Variants in OPCML observed in about 807,000 individuals in gnomAD.
The protein encoded by OPCML is opioid binding protein/cell adhesion molecule like, also known as opioid-binding protein/cell adhesion molecule.
Under a neutral mutation model 37.8 loss-of-function variants are expected in OPCML, and 13 were observed. The observed-to-expected ratio is 0.34, with a 90% CI of 0.22 to 0.55. The LOEUF (loss-of-function observed/expected upper bound fraction) is 0.55, where lower values mean the gene tolerates loss of function less well. OPCML is among the 20% of genes least tolerant of loss of function. OPCML has a pLI of 0.91. For synonymous variants in OPCML, 176 were observed against 168.8 expected (o/e 1.04, Z -0.33); for missense variants, 341 against 435.6 (o/e 0.78, Z 1.93).
In OPCML at chr11:133,109,935, C is replaced by A. The variant is rs544121706; in HGVS notation, c.62-166925G>T. On this transcript the variant is annotated intron_variant, in intron 1 of 7. Coordinates refer to ENST00000524381, the MANE Select transcript of OPCML (RefSeq NM_001012393.5). The stretch of plus-strand genomic sequence containing the variant: ...CATAGTACTTAATCTCAGGAAGCCT[C>A]AAGCCCAGCAATTTTGAACCAAAGA... Among the ~76,000 whole-genome samples, 11 of 152,324 alleles carry A rather than the reference C, an allele frequency of 7.2e-5. No homozygotes were observed. In the East Asian group the frequency reaches 2.1e-3, roughly 29 times the overall value.
chr11:133,070,110 G>A (rs1948500177), intron 1 of OPCML, among the ~76,000 whole-genome samples: 1 of 152,182 alleles, frequency 6.6e-6, no homozygotes, highest in Non-Finnish European at 1.5e-5. Context: ...GGGCAAGAGA[G>A]TCCGTTCCAC....
chr11:133,141,425 T>A (rs1949822458), intron 1 of OPCML, among the ~76,000 whole-genome samples: 1 of 152,154 alleles, frequency 6.6e-6, no homozygotes, highest in African/African-American at 2.4e-5. Context: ...ATAGTCTTCA[T>A]CTTTTTTGGG....
At chr11:133,238,915 A>G (rs1418478435) in intron 1 of OPCML, among the ~76,000 whole-genome samples, 2 of 152,198 alleles carry the variant, frequency 1.3e-5, no homozygotes, top group Non-Finnish European at 2.9e-5. Flanking sequence ...ACAGGCAGCC[A>G]TTATTGTTCT....
intron 1 of OPCML, among the ~76,000 whole-genome samples, chr11:133,163,161 G>A (rs756946987): frequency 6.6e-6 from 1 of 152,078 alleles, no homozygotes; most frequent in Non-Finnish European, 1.5e-5. Context: ...TTTCTCTTAC[G>A]AGCCTTGCCA....
intron 2 of OPCML, among the ~76,000 whole-genome samples, chr11:132,758,510 C>T (rs1323323359): frequency 6.6e-6 from 1 of 151,980 alleles, no homozygotes; most frequent in African/African-American, 2.4e-5. Flanking sequence ...TGAAGAAGTC[C>T]TTCATATCCC....
chr11:132,916,910 T>A (rs77342020), intron 2 of OPCML, among the ~76,000 whole-genome samples: 1,701 of 152,200 alleles, frequency 0.011, 41 homozygotes, highest in African/African-American at 0.039. Context: ...AAATTAAACT[T>A]TCACTAAGGC....
At chr11:132,753,871 T>C (rs1945934161) in intron 2 of OPCML, among the ~76,000 whole-genome samples, 1 of 152,226 alleles carries the variant, frequency 6.6e-6, no homozygotes. Context: ...TCTTTGGTTT[T>C]GCATTTACCT....
At chr11:133,125,895 C>T (rs1949504176) in intron 1 of OPCML, among the ~76,000 whole-genome samples, 1 of 132,462 alleles carries the variant, frequency 7.5e-6, no homozygotes, top group African/African-American at 2.9e-5. Flanking sequence ...ATAGTATATA[C>T]ACATGTATAT....
rs539976629 is a variant in OPCML, at chr11:132,927,523, A to G, written c.146+15403T>C. ...GAGAAGTTAAGACATCCCCATATAA[A>G]CAAAAGCTGAGGGAATTCATTACCA... On this transcript the variant is annotated intron_variant, in intron 2 of 7. Transcript: ENST00000524381. Among the ~76,000 whole-genome samples, 68 of 152,266 alleles carry G rather than the reference A, an allele frequency of 4.5e-4. 4 individuals carry two copies. In the South Asian group the frequency reaches 0.014, roughly 31 times the overall value.
intron 1 of OPCML, among the ~76,000 whole-genome samples, chr11:133,121,373 C>A (rs527399341): frequency 5.8e-4 from 88 of 152,340 alleles, no homozygotes; most frequent in African/African-American, 2.1e-3. Context: ...ACTCACCTAT[C>A]TCCTTAGTGA....
At position 133,233,021 on chromosome 11, in the gene OPCML, T is replaced by C. The variant is rs534556919; in HGVS notation, c.62-290011A>G. Reference sequence around the variant, plus strand: ...CATGGAACTGGGTACCTGGACTTTTTTGGGGGGTGGGTCTTCCTCCAGCTT... The same window carrying C: ...CATGGAACTGGGTACCTGGACTTTTCTGGGGGGTGGGTCTTCCTCCAGCTT... On this transcript the variant is annotated intron_variant, in intron 1 of 7. Coordinates refer to ENST00000524381, the MANE Select transcript of OPCML (RefSeq NM_001012393.5). 1.1e-3 allele frequency among the ~76,000 whole-genome samples: 163 copies of C among 152,292 alleles called. 1 individual carries two copies. The highest frequency in any genetic ancestry group is 3.8e-3 in the African/African-American group (158 of 41,566).
At chr11:133,344,277 G>A (rs1237380343) in intron 1 of OPCML, among the ~76,000 whole-genome samples, 1 of 152,166 alleles carries the variant, frequency 6.6e-6, no homozygotes, top group Non-Finnish European at 1.5e-5. Flanking sequence ...TGAACCCACT[G>A]ACAGTCTCTC....
rs1055737413 is a variant in OPCML, at chr11:132,559,197, G to C, written c.380-30011C>G. ...GAAAGAGAGGGAGAGAGGAGCCAAA[G>C]GGAGGAAGGAGAACATGCAGCATTC... On this transcript the variant is annotated intron_variant, in intron 3 of 7. Transcript: ENST00000524381. Among the ~76,000 whole-genome samples, 3 of 152,126 alleles carry C rather than the reference G, an allele frequency of 2.0e-5. No homozygotes were observed. The East Asian group carries it at 5.8e-4, about 30-fold the overall frequency.
intron 1 of OPCML, among the ~76,000 whole-genome samples, chr11:133,501,902 A>G (rs1947923548): frequency 6.6e-6 from 1 of 151,478 alleles, no homozygotes; most frequent in Non-Finnish European, 1.5e-5. Flanking sequence ...CTGCCCACCA[A>G]CATGCCTCGA....
intron 1 of OPCML, among the ~76,000 whole-genome samples, chr11:133,291,072 C>T (rs558788971): frequency 3.7e-4 from 57 of 152,342 alleles, no homozygotes; most frequent in African/African-American, 1.3e-3. Context: ...TTTCCTGCTT[C>T]GCTTGCATGT....
intron 2 of OPCML, among the ~76,000 whole-genome samples, chr11:132,787,880 T>C (rs1354168447): frequency 6.6e-6 from 1 of 152,164 alleles, no homozygotes; most frequent in Non-Finnish European, 1.5e-5. Flanking sequence ...CAGTTAATGA[T>C]TTTTTGTTTG....
At chr11:132,725,900 C>T (rs1478133508) in intron 2 of OPCML, among the ~76,000 whole-genome samples, 10 of 152,004 alleles carry the variant, frequency 6.6e-5, no homozygotes, top group Admixed American at 3.9e-4. Context: ...TTTGCTAAAA[C>T]ATAACAAGAG....
intron 1 of OPCML, among the ~76,000 whole-genome samples, chr11:133,037,325 G>C (rs919374237): frequency 6.6e-6 from 1 of 152,174 alleles, no homozygotes; most frequent in Non-Finnish European, 1.5e-5. Context: ...AAGAAAAAAA[G>C]TACTCAAAAC....
intron 3 of OPCML, among the ~76,000 whole-genome samples, chr11:132,654,556 C>A (rs1271984758): frequency 6.6e-6 from 1 of 151,382 alleles, no homozygotes; most frequent in African/African-American, 2.4e-5. Flanking sequence ...AAGAGAAGGT[C>A]CTCCCCAAAA....
Sources: gnomAD v4.1 joint callset for allele counts (sites outside exome capture counted in the v4.1 genomes callset) on GRCh38, gnomAD v4.1.1 for gene constraint, MANE v1.5 for transcripts, NCBI Gene and HGNC (gene_info 2026-07-23, HGNC 2026-07-21) for gene names.